MYO3B: variants seen among roughly 807,000 people sequenced by gnomAD.
The protein encoded by MYO3B is myosin IIIB.
MYO3B carries 156 observed loss-of-function variants against 174.6 expected under a neutral mutation model. The ratio of observed to expected loss-of-function variants is 0.89; its 90% CI spans 0.78 to 1.02. The LOEUF is 1.02. Ranked by LOEUF, MYO3B falls within the 50% of genes least tolerant of loss-of-function variation. The probability of loss-of-function intolerance (pLI) is 0.00; values close to 1 mark genes in which losing one functional copy is unlikely to be tolerated. For missense variants in MYO3B, 1,632 were observed against 1,639.4 expected, an observed-to-expected ratio of 1.00 and a Z score of 0.08; for synonymous variants, 563 against 569.1, an observed-to-expected ratio of 0.99 and a Z score of 0.15.
At chr2:170,605,249 C>T (rs1694744317) in intron 32 of MYO3B, among the ~76,000 whole-genome samples, 1 of 152,234 alleles carries the variant, frequency 6.6e-6, no homozygotes, top group South Asian at 2.1e-4. Flanking sequence ...TTCCCCCAGC[C>T]TCATGGCTGC....
At chr2:170,340,655 G>T (rs1258898379) in intron 8 of MYO3B, 1 of 152,122 alleles carries the variant, frequency 6.6e-6, no homozygotes, top group African/African-American at 2.4e-5. Context: ...AACAAAAAAG[G>T]CATATGATCT....
intron 29 of MYO3B, among the ~76,000 whole-genome samples, chr2:170,515,342 G>A (rs923267801): frequency 6.6e-6 from 1 of 152,166 alleles, no homozygotes; most frequent in Non-Finnish European, 1.5e-5. Flanking sequence ...TCCTCTTGAG[G>A]CAGACTCTGA....
At chr2:170,559,444 C>A (rs1691564431) in intron 32 of MYO3B, among the ~76,000 whole-genome samples, 1 of 152,064 alleles carries the variant, frequency 6.6e-6, no homozygotes, top group Non-Finnish European at 1.5e-5. Flanking sequence ...AGGGCTCTAT[C>A]CTAATTAGGC....
intron 5 of MYO3B, among the ~76,000 whole-genome samples, chr2:170,216,644 G>A (rs564842036): frequency 5.9e-5 from 9 of 152,278 alleles, no homozygotes; most frequent in African/African-American, 2.2e-4. Flanking sequence ...GACAAACACA[G>A]CTTTCTTGCC....
chr2:170,558,634 G>A (rs1333979372), intron 32 of MYO3B, among the ~76,000 whole-genome samples: 1 of 151,872 alleles, frequency 6.6e-6, no homozygotes, highest in Non-Finnish European at 1.5e-5. Context: ...TTACTGTATA[G>A]TATCCCATTT....
intron 32 of MYO3B, among the ~76,000 whole-genome samples, chr2:170,606,743 G>A (rs775473286): frequency 5.3e-5 from 8 of 152,098 alleles, no homozygotes; most frequent in Non-Finnish European, 7.3e-5. Context: ...AATACAGGCC[G>A]GGCACGGTGG....
chr2:170,349,511 C>T (rs1309585651), intron 8 of MYO3B: 1 of 152,026 alleles, frequency 6.6e-6, no homozygotes, highest in Non-Finnish European at 1.5e-5. Context: ...AAATTATGCA[C>T]CTCATGGCCG....
intron 7 of MYO3B, among the ~76,000 whole-genome samples, chr2:170,298,880 A>G (rs1016132148): frequency 1.3e-5 from 2 of 151,918 alleles, no homozygotes; most frequent in African/African-American, 4.8e-5. Flanking sequence ...TTTCTACTGT[A>G]CCTTTTCTAT....
At chr2:170,371,843 G>A (rs1256545896) in intron 9 of MYO3B, among the ~76,000 whole-genome samples, 1 of 141,744 alleles carries the variant, frequency 7.1e-6, no homozygotes, top group African/African-American at 2.4e-5. Context: ...TGGCTCACAC[G>A]TGTAATCCCA....
At chr2:170,407,996 T>C (rs1221168938) in intron 22 of MYO3B, 152 bp downstream of exon 22, 95 of 949,952 alleles carry the variant, frequency 1.0e-4, no homozygotes, top group Non-Finnish European at 1.4e-4. Flanking sequence ...AAAAGGAAAA[T>C]GTTTGTTTCT....
chr2:170,553,222 C>T (rs1691045099), intron 32 of MYO3B, among the ~76,000 whole-genome samples: 1 of 152,072 alleles, frequency 6.6e-6, no homozygotes, highest in African/African-American at 2.4e-5. Flanking sequence ...TCCTCCAGAC[C>T]CCAAATGGTA....
rs550632715 is a variant in MYO3B, at chr2:170,301,231, T to C, written c.750-34154T>C. Among the ~76,000 whole-genome samples, 6 of 152,344 alleles carry C rather than the reference T, an allele frequency of 3.9e-5. 1 individual carries two copies. Among genetic ancestry groups the C allele is most frequent in the Admixed American group, 1.3e-4 (2 of 15,300 alleles). The stretch of plus-strand genomic sequence containing the variant: ...ACCAGCTGCTCAACCATGTTTTATT[T>C]TGGTGATCGAAATCCTAGTTAAAAG... On this transcript the variant is annotated intron_variant, in intron 7 of 34. Coordinates refer to ENST00000408978, the MANE Select transcript of MYO3B (RefSeq NM_138995.5).
intron 7 of MYO3B, among the ~76,000 whole-genome samples, chr2:170,257,239 C>CTAA (rs1257232997): frequency 6.6e-6 from 1 of 152,108 alleles, no homozygotes; most frequent in East Asian, 1.9e-4. Flanking sequence ...CCAATTGGAC[C>CTAA]TAATAGATGT....
At chr2:170,299,643 A>G (rs1458064653) in intron 7 of MYO3B, among the ~76,000 whole-genome samples, 1 of 152,228 alleles carries the variant, frequency 6.6e-6, no homozygotes, top group Admixed American at 6.5e-5. Context: ...AGAATAAGTA[A>G]CTTGGCTGAG....
At chr2:170,239,054 C>T (rs1468356429) in intron 7 of MYO3B, among the ~76,000 whole-genome samples, 1 of 152,178 alleles carries the variant, frequency 6.6e-6, no homozygotes, top group African/African-American at 2.4e-5. Flanking sequence ...TCGTCTAACG[C>T]CTTTGCTCCA....
intron 7 of MYO3B, among the ~76,000 whole-genome samples, chr2:170,332,547 T>C (rs974695397): frequency 6.6e-6 from 1 of 152,200 alleles, no homozygotes; most frequent in Non-Finnish European, 1.5e-5. Flanking sequence ...TTCAAATTCA[T>C]TGGGTTTTCA....
At chr2:170,220,069 T>C (rs1001968285) in intron 6 of MYO3B, among the ~76,000 whole-genome samples, 20 of 152,008 alleles carry the variant, frequency 1.3e-4, no homozygotes, top group Non-Finnish European at 1.2e-4. Flanking sequence ...CCATCCTGGC[T>C]AACACAGTGA....
chr2:170,461,330 T>G (rs1684264762), intron 23 of MYO3B, among the ~76,000 whole-genome samples: 1 of 150,978 alleles, frequency 6.6e-6, no homozygotes, highest in East Asian at 2.0e-4. Context: ...CAAAATTAGC[T>G]GGGCGTGGTG....
intron 30 of MYO3B, among the ~76,000 whole-genome samples, chr2:170,528,675 A>C (rs1429312461): frequency 1.3e-5 from 2 of 152,150 alleles, no homozygotes; most frequent in Non-Finnish European, 2.9e-5. Context: ...CAAAGTGCTG[A>C]GATTGCATGC....
Sources: allele counts gnomAD v4.1 joint callset (sites outside exome capture counted in the v4.1 genomes callset), GRCh38; gene constraint gnomAD v4.1.1; transcripts MANE v1.5; gene names NCBI Gene and HGNC (gene_info 2026-07-23, HGNC 2026-07-21).